Variants in FRMPD4 observed in about 807,000 individuals in gnomAD.
FRMPD4 encodes FERM and PDZ domain containing 4, also known as FERM and PDZ domain-containing protein 4.
Under a neutral mutation model 94.1 loss-of-function variants are expected in FRMPD4, and 22 were observed. That is an observed-to-expected ratio of 0.23 (90% CI 0.17 to 0.33). The LOEUF is 0.33. Among genes scored for constraint, FRMPD4 ranks in the 10% least tolerant of loss-of-function variants. The probability of loss-of-function intolerance (pLI) is 1.00; values close to 1 mark genes in which losing one functional copy is unlikely to be tolerated. For missense variants in FRMPD4, 1,111 were observed against 1,339.9 expected, an observed-to-expected ratio of 0.83 and a Z score of 2.67; for synonymous variants, 631 against 548.6, an observed-to-expected ratio of 1.15 and a Z score of -2.10.
intron 1 of FRMPD4, among the ~76,000 whole-genome samples, chrX:12,291,603 T>C (rs1478153607): frequency 8.9e-6 from 1 of 112,219 alleles, no homozygotes; most frequent in African/African-American, 3.2e-5. Flanking sequence ...TGAATGATCT[T>C]TTCTCCTAAA....
chrX:11,877,573 ATTT>A (rs1421539847), intron 2 of FRMPD4, among the ~76,000 whole-genome samples: 1 of 112,071 alleles, frequency 8.9e-6, no homozygotes, highest in African/African-American at 3.2e-5. Context: ...TGACTTGTCC[ATTT>A]TTATGTTCCA....
chrX:11,908,149 T>C (rs913343655), intron 3 of FRMPD4, among the ~76,000 whole-genome samples: 3 of 112,174 alleles, frequency 2.7e-5, no homozygotes, highest in African/African-American at 9.7e-5. Context: ...AGATTCTACT[T>C]TCTGCTGACT....
intron 3 of FRMPD4, among the ~76,000 whole-genome samples, chrX:12,075,727 G>A (rs1224601301): frequency 8.9e-6 from 1 of 111,942 alleles, no homozygotes; most frequent in Non-Finnish European, 1.9e-5. Context: ...ATTTATAACA[G>A]CAAATTAGCA....
chrX:12,596,757 A>G (rs2059035208), intron 2 of FRMPD4, among the ~76,000 whole-genome samples: 1 of 111,332 alleles, frequency 9.0e-6, no homozygotes, highest in African/African-American at 3.3e-5. Context: ...TTACTGCTAC[A>G]TAGTTTTCCA....
chrX:12,580,154 A>T (rs1305691443), intron 2 of FRMPD4, among the ~76,000 whole-genome samples: 1 of 112,318 alleles, frequency 8.9e-6, no homozygotes, highest in Non-Finnish European at 1.9e-5. Context: ...ACAAGAGGTA[A>T]GTTTACCAGT....
intron 3 of FRMPD4, among the ~76,000 whole-genome samples, chrX:12,079,423 C>T (rs774885158): frequency 5.4e-5 from 6 of 111,015 alleles, no homozygotes; most frequent in Admixed American, 3.8e-4. Context: ...AATAAAAACT[C>T]AGATGAAAGA....
chrX:12,058,765 C>T (rs1422524770), intron 3 of FRMPD4, among the ~76,000 whole-genome samples: 4 of 110,921 alleles, frequency 3.6e-5, no homozygotes. Flanking sequence ...CATTTTGCAA[C>T]CCCCCTCCCT....
chrX:12,664,259 A>G (rs1169060611), intron 4 of FRMPD4, among the ~76,000 whole-genome samples: 2 of 112,382 alleles, frequency 1.8e-5, no homozygotes, highest in African/African-American at 3.2e-5. Context: ...CAGTGGTGAG[A>G]AAGGACATCC....
chrX:12,608,139 C>A (rs950326025), intron 2 of FRMPD4, among the ~76,000 whole-genome samples: 1 of 112,595 alleles, frequency 8.9e-6, no homozygotes, highest in Non-Finnish European at 1.9e-5. Context: ...AAGGAGATTT[C>A]TATTATTCAG....
At chrX:12,099,195 A>T (rs2055233995) in intron 3 of FRMPD4, among the ~76,000 whole-genome samples, 1 of 109,831 alleles carries the variant, frequency 9.1e-6, no homozygotes, top group South Asian at 3.9e-4. Context: ...CATTGTGCAC[A>T]TGTACCCTAA....
At chrX:12,473,659 G>A (rs1323198666) in intron 1 of FRMPD4, among the ~76,000 whole-genome samples, 4 of 109,671 alleles carry the variant, frequency 3.6e-5, no homozygotes, top group Admixed American at 9.5e-5. Flanking sequence ...GGCAGGGGTT[G>A]CAATCCTAGT....
At chrX:12,394,370 A>G (rs751126859) in intron 1 of FRMPD4, among the ~76,000 whole-genome samples, 1 of 111,869 alleles carries the variant, frequency 8.9e-6, no homozygotes, top group African/African-American at 3.2e-5. Context: ...GCCAAATGAA[A>G]TTTGTTTTGG....
intron 3 of FRMPD4, among the ~76,000 whole-genome samples, chrX:12,098,762 C>T (rs1283307796): frequency 9.0e-6 from 1 of 111,022 alleles, no homozygotes; most frequent in Non-Finnish European, 1.9e-5. Flanking sequence ...GTAGCACCCA[C>T]AACAAAGATT....
intron 1 of FRMPD4, among the ~76,000 whole-genome samples, chrX:12,316,158 A>G (rs933692184): frequency 9.1e-6 from 1 of 110,442 alleles, no homozygotes; most frequent in African/African-American, 3.3e-5. Context: ...TTATTTATTT[A>G]TTTTTTTTGA....
rs756111705 is a variant in FRMPD4, at chrX:12,583,457, C to T, written c.159-26264C>T. Reference sequence around the variant, plus strand: ...AGCCGCGTCTGGACCTGGAACACCTCTGGATCTTTCAGGTCTTCGGGAACT... The same window carrying T: ...AGCCGCGTCTGGACCTGGAACACCTTTGGATCTTTCAGGTCTTCGGGAACT... On this transcript the variant is annotated intron_variant, in intron 2 of 16. Coordinates refer to ENST00000675598, the MANE Select transcript of FRMPD4 (RefSeq NM_001368397.1). 1.8e-5 allele frequency: 22 copies of T among 1,200,973 alleles called. No homozygotes were observed. In the East Asian group the frequency reaches 5.7e-4, roughly 31 times the overall value.
At chrX:12,134,544 G>A (rs1039857589), upstream of FRMPD4, among the ~76,000 whole-genome samples, 13 of 112,050 alleles carry the variant, frequency 1.2e-4, no homozygotes, top group African/African-American at 2.6e-4. Flanking sequence ...AACTTGCAGC[G>A]AAAGAACCCT....
chrX:11,824,706 A>G (rs922107622), intron 1 of FRMPD4, among the ~76,000 whole-genome samples: 4 of 111,948 alleles, frequency 3.6e-5, no homozygotes, highest in Non-Finnish European at 7.5e-5. Context: ...GTCAGTAAGT[A>G]GAAAAATTCA....
At chrX:12,079,804 C>T (rs1041561858) in intron 3 of FRMPD4, among the ~76,000 whole-genome samples, 2 of 112,133 alleles carry the variant, frequency 1.8e-5, no homozygotes, top group South Asian at 3.7e-4. Flanking sequence ...CTATTGGCAG[C>T]GTTAACTGAA....
intron 2 of FRMPD4, among the ~76,000 whole-genome samples, chrX:12,560,831 G>A (rs1310330871): frequency 1.2e-5 from 1 of 83,108 alleles, no homozygotes; most frequent in African/African-American, 4.6e-5. Flanking sequence ...GTGCAGTGGC[G>A]GGATCTCGGC....
Sources: gnomAD v4.1 joint callset for allele counts (sites outside exome capture counted in the v4.1 genomes callset) on GRCh38, gnomAD v4.1.1 for gene constraint, MANE v1.5 for transcripts, NCBI Gene and HGNC (gene_info 2026-07-23, HGNC 2026-07-21) for gene names.